Variants in FGGY observed in about 807,000 individuals in gnomAD.
FGGY encodes the protein FGGY carbohydrate kinase domain containing, also known as FGGY carbohydrate kinase domain-containing protein.
In FGGY, 72 loss-of-function variants were observed where a neutral mutation model predicts 71.3. That is an observed-to-expected ratio of 1.01 (90% CI 0.84 to 1.23). FGGY has a LOEUF of 1.23. Among genes scored for constraint, FGGY ranks in the 50% most tolerant of loss-of-function variants. The probability of loss-of-function intolerance (pLI) is 0.00; values close to 1 mark genes in which losing one functional copy is unlikely to be tolerated. For synonymous variants in FGGY, 251 were observed against 250.3 expected (o/e 1.00, Z -0.02); for missense variants, 668 against 682.3 (o/e 0.98, Z 0.23).
At chr1:59,590,539 A>G (rs200027003) in intron 8 of FGGY, among the ~76,000 whole-genome samples, 5,732 of 152,256 alleles carry the variant, frequency 0.038, 180 homozygotes, top group African/African-American at 0.084. Context: ...AAAATCCTCA[A>G]TAAAATACTG....
chr1:59,383,755 G>C (rs926106481), intron 5 of FGGY, among the ~76,000 whole-genome samples: 6 of 152,094 alleles, frequency 3.9e-5, no homozygotes, highest in African/African-American at 1.4e-4. Flanking sequence ...TCAACCAATT[G>C]TCAATCAGAA....
In FGGY at chr1:59,554,107, G is replaced by A; in HGVS notation, c.800-17G>A. On this transcript the variant is annotated splice_polypyrimidine_tract_variant and intron_variant, in intron 7 of 15. Coordinates refer to ENST00000303721, the MANE Select transcript of FGGY (RefSeq NM_018291.5). ...TATGTGTTAAAGAGGATTTGTTTTT[G>A]TTTTCCTTTCTCACAGGAGTGATTG... is the stretch of plus-strand genomic sequence containing the variant. The A allele has an allele frequency of 6.4e-7, 1 of 1,571,188 alleles. No homozygotes were observed. Among genetic ancestry groups the A allele is most frequent in the Non-Finnish European group, 8.7e-7 (1 of 1,147,688 alleles).
intron 5 of FGGY, 121 bp from the exon 6 acceptor site, chr1:59,456,840 C>A: frequency 3.2e-6 from 2 of 624,678 alleles, no homozygotes; most frequent in Admixed American, 2.8e-5. Context: ...GTGTCATTAT[C>A]TACACTGGCT....
At chr1:59,338,369 C>T (rs1351636629) in intron 2 of FGGY, among the ~76,000 whole-genome samples, 2 of 152,010 alleles carry the variant, frequency 1.3e-5, no homozygotes, top group African/African-American at 4.8e-5. Flanking sequence ...GAAAGTGTTC[C>T]CTTCTTCACT....
intron 7 of FGGY, among the ~76,000 whole-genome samples, chr1:59,537,883 C>T (rs1176612702): frequency 6.6e-6 from 1 of 152,150 alleles, no homozygotes; most frequent in East Asian, 1.9e-4. Context: ...AGACCTAAAA[C>T]CATAAAAATC....
At chr1:59,462,618 A>G (rs1310631302) in intron 6 of FGGY, among the ~76,000 whole-genome samples, 3 of 152,344 alleles carry the variant, frequency 2.0e-5, no homozygotes, top group African/African-American at 4.8e-5. Context: ...CAAGGAAAAA[A>G]CAAACAACCC....
chr1:59,390,509 A>G (rs1236155650), intron 5 of FGGY, among the ~76,000 whole-genome samples: 1 of 152,164 alleles, frequency 6.6e-6, no homozygotes, highest in East Asian at 1.9e-4. Flanking sequence ...CATACAAAGG[A>G]TGTGCCTCAC....
At chr1:59,707,889 A>G (rs2097767716) in intron 14 of FGGY, among the ~76,000 whole-genome samples, 1 of 152,202 alleles carries the variant, frequency 6.6e-6, no homozygotes, top group African/African-American at 2.4e-5. Context: ...GTCTGTTTGA[A>G]TAGGTGTTTA....
chr1:59,368,984 A>G (rs1250013840), intron 4 of FGGY, among the ~76,000 whole-genome samples: 2 of 152,182 alleles, frequency 1.3e-5, no homozygotes, highest in Admixed American at 6.5e-5. Flanking sequence ...AGTGTGAGCA[A>G]CGCAGAAGAC....
intron 8 of FGGY, among the ~76,000 whole-genome samples, chr1:59,599,600 A>C (rs1032046648): frequency 2.7e-5 from 4 of 149,364 alleles, no homozygotes; most frequent in Non-Finnish European, 3.0e-5. Flanking sequence ...AGGCTGAGGC[A>C]GGAGAATCAC....
chr1:59,341,649 G>T (rs2050726460), intron 3 of FGGY, among the ~76,000 whole-genome samples: 1 of 152,078 alleles, frequency 6.6e-6, no homozygotes. Context: ...GGCTCAGTTG[G>T]CACTGTTCTG....
At chr1:59,727,036 C>A (rs143960362) in intron 14 of FGGY, among the ~76,000 whole-genome samples, 245 of 152,172 alleles carry the variant, frequency 1.6e-3, no homozygotes, top group African/African-American at 5.4e-3. Context: ...ACCCATGTCT[C>A]CCCTCCCTCC....
intron 7 of FGGY, among the ~76,000 whole-genome samples, chr1:59,553,409 C>A (rs531697436): frequency 8.7e-4 from 133 of 152,276 alleles, no homozygotes; most frequent in South Asian, 3.5e-3. Flanking sequence ...ATATTTATAA[C>A]TTTAGTTGCC....
At chr1:59,756,898 ATTTTT>A (rs71281846) in intron 14 of FGGY, among the ~76,000 whole-genome samples, 2 of 145,452 alleles carry the variant, frequency 1.4e-5, no homozygotes, top group African/African-American at 5.1e-5. Flanking sequence ...TGGTATTCAG[ATTTTT>A]TTTTTTTTTT....
In FGGY at chr1:59,378,763, T is replaced by A. The variant is rs1348399774; in HGVS notation, c.480T>A (p.Ile160=). 1.9e-6 allele frequency: 3 copies of A among 1,613,412 alleles called. No homozygotes were observed. Among genetic ancestry groups the A allele is most frequent in the Non-Finnish European group, 2.5e-6 (3 of 1,179,588 alleles). Residue 160 remains isoleucine, a synonymous_variant, in exon 5 of 16, where the codon ATT becomes ATA. Coordinates refer to ENST00000303721, the MANE Select transcript of FGGY (RefSeq NM_018291.5). ...LLWLKENLRE[I]CWDKAGHFFD... is the part of the protein sequence containing the mutation. ...TAATTTGGCAGAACTTGAGAGAGAT[T>A]TGCTGGGATAAGGCGGGACATTTCT... is the stretch of plus-strand genomic sequence containing the variant.
At chr1:59,708,174 A>G (rs1255763319) in intron 14 of FGGY, among the ~76,000 whole-genome samples, 2 of 152,166 alleles carry the variant, frequency 1.3e-5, no homozygotes, top group Admixed American at 6.5e-5. Context: ...AAAGGGAGGG[A>G]CTGCAATGTG....
At chr1:59,469,740 C>G (rs769068620) in intron 6 of FGGY, among the ~76,000 whole-genome samples, 1 of 152,070 alleles carries the variant, frequency 6.6e-6, no homozygotes, top group Non-Finnish European at 1.5e-5. Flanking sequence ...TCTTCCTCCT[C>G]CCACCCTTTG....
At chr1:59,356,947 A>G (rs376457390) in intron 4 of FGGY, among the ~76,000 whole-genome samples, 27 of 152,154 alleles carry the variant, frequency 1.8e-4, no homozygotes, top group African/African-American at 6.3e-4. Flanking sequence ...TTCACCCCCC[A>G]GGAGAATCCA....
At chr1:59,326,080 C>G (rs745845194) in intron 2 of FGGY, among the ~76,000 whole-genome samples, 2 of 152,188 alleles carry the variant, frequency 1.3e-5, no homozygotes, top group Non-Finnish European at 2.9e-5. Flanking sequence ...CTAAACTTCT[C>G]TTAGGAAGAA....
Sources: gnomAD v4.1 joint callset for allele counts (sites outside exome capture counted in the v4.1 genomes callset) on GRCh38, gnomAD v4.1.1 for gene constraint, MANE v1.5 for transcripts, NCBI Gene and HGNC (gene_info 2026-07-23, HGNC 2026-07-21) for gene names.